VXN: variants seen among roughly 807,000 people sequenced by gnomAD.
VXN encodes uncharacterized protein C8orf46.
A neutral mutation model predicts 23.1 loss-of-function variants in VXN; 7 were observed. The observed-to-expected ratio is 0.30, with a 90% CI of 0.17 to 0.57. The LOEUF (loss-of-function observed/expected upper bound fraction) is 0.57. Ranked by LOEUF, VXN falls within the 20% of genes least tolerant of loss-of-function variation. The probability of loss-of-function intolerance (pLI) is 0.91; values close to 1 mark genes in which losing one functional copy is unlikely to be tolerated. For synonymous variants in VXN, 120 were observed against 105.8 expected, an observed-to-expected ratio of 1.13 and a Z score of -0.83; for missense variants, 238 against 272.6, an observed-to-expected ratio of 0.87 and a Z score of 0.89.
rs1250548569 is a variant in VXN at position 66,493,772 on chromosome 8, G to A, written c.70+54G>A. 8 of 1,440,650 alleles carry A rather than the reference G, an allele frequency of 5.6e-6. No homozygotes were observed. The African/African-American group carries it at 9.8e-5, about 18-fold the overall frequency. 89.2% of individuals were successfully genotyped at this position (1,440,650 alleles called of 1,614,324 possible). ...TTAACGTGGCATCTTAGGCAGGAGG[G>A]GAAGGACAGTCACGTGCTGCCTTAC... On this transcript the variant is annotated intron_variant, in intron 1 of 5. Coordinates refer to ENST00000305454, the MANE Select transcript of VXN (RefSeq NM_152765.4).
At chr8:66,506,183 A>C (rs576541655) in intron 3 of VXN, among the ~76,000 whole-genome samples, 120 of 151,660 alleles carry the variant, frequency 7.9e-4, no homozygotes, top group African/African-American at 2.8e-3. Context: ...CATGAAGCAA[A>C]GGAGGATCAC....
intron 2 of VXN, among the ~76,000 whole-genome samples, chr8:66,502,083 C>T (rs1807698215): frequency 6.6e-6 from 1 of 152,190 alleles, no homozygotes; most frequent in South Asian, 2.1e-4. Flanking sequence ...TCCTTAATAT[C>T]AGCTTTCCTT....
In VXN at chr8:66,496,360, T is replaced by G. The variant is rs1398115684; in HGVS notation, c.71-77T>G. The G allele has an allele frequency of 9.4e-6, 13 of 1,380,260 alleles. No homozygotes were observed. The East Asian group carries it at 1.8e-4, about 19-fold the overall frequency. 85.5% of individuals were successfully genotyped at this position (1,380,260 alleles called of 1,614,324 possible). A position where few individuals can be genotyped will look rare whatever the true frequency, so the allele number is the denominator to read the frequency against. Reference sequence around the variant, plus strand: ...CCCTGCCTCGCCACAGATTCAAACCTTCTCAGTGTTGTTACTGTAGCTATG... The same window carrying G: ...CCCTGCCTCGCCACAGATTCAAACCGTCTCAGTGTTGTTACTGTAGCTATG... On this transcript the variant is annotated intron_variant, in intron 1 of 5. Transcript: ENST00000305454.
At chr8:66,507,715 A>AAGAG (rs140791519) in intron 3 of VXN, among the ~76,000 whole-genome samples, 6 of 151,126 alleles carry the variant, frequency 4.0e-5, no homozygotes, top group East Asian at 1.9e-4. Flanking sequence ...GTTTCAAAAA[A>AAGAG]AGAGAGAGAG....
intron 2 of VXN, among the ~76,000 whole-genome samples, chr8:66,498,454 T>G (rs2130542481): frequency 6.6e-6 from 1 of 152,362 alleles, no homozygotes; most frequent in South Asian, 2.1e-4. Flanking sequence ...TGTATTACCT[T>G]TTTATTTCCA....
intron 3 of VXN, among the ~76,000 whole-genome samples, chr8:66,508,556 C>G (rs1486802884): frequency 6.6e-6 from 1 of 152,172 alleles, no homozygotes; most frequent in Non-Finnish European, 1.5e-5. Context: ...TCCATGATAT[C>G]CTGCTTCCCA....
chr8:66,505,541 C>A lies in VXN; in HGVS notation c.280+13C>A. ...TCTGCCAGACCCGGTACGTGAGTCCCGGCCCCAGCTCCCCGCACCTCCCTG... is the reference window on the plus strand; with the variant it reads ...TCTGCCAGACCCGGTACGTGAGTCCAGGCCCCAGCTCCCCGCACCTCCCTG... On this transcript the variant is annotated intron_variant, in intron 3 of 5. Coordinates refer to ENST00000305454, the MANE Select transcript of VXN (RefSeq NM_152765.4). 2 of 1,476,718 alleles carry A rather than the reference C, an allele frequency of 1.4e-6. No homozygotes were observed. The highest frequency in any genetic ancestry group is 4.8e-5 in the East Asian group (2 of 41,896). 91.5% of individuals were successfully genotyped at this position (1,476,718 alleles called of 1,614,324 possible). A position where few individuals can be genotyped will look rare whatever the true frequency, so the allele number is the denominator to read the frequency against.
rs1807658898 is a variant in VXN, at chr8:66,499,073, G to C, written c.126+2581G>C. ...AGAGAACATTTCTCAAGAACCATGG[G>C]AAGGAGCAATGATTTTTTTTCTTCT... On this transcript the variant is annotated intron_variant, in intron 2 of 5. Transcript: ENST00000305454. Among the ~76,000 whole-genome samples, 3 of 151,794 alleles carry C rather than the reference G, an allele frequency of 2.0e-5. No homozygotes were observed. In the South Asian group the frequency reaches 6.2e-4, roughly 31 times the overall value.
intron 3 of VXN, among the ~76,000 whole-genome samples, chr8:66,506,864 G>A (rs1807765344): frequency 3.4e-5 from 4 of 116,926 alleles, no homozygotes; most frequent in African/African-American, 1.3e-4. Context: ...ACCACAATCT[G>A]CCTTGCAAAT....
Position 66,513,550 on chromosome 8 carries a change from T to C in VXN, c.353T>C (p.Val118Ala), listed in dbSNP as rs1469071334. Residue 118 changes from valine to alanine, a missense_variant, in exon 5 of 6, where the codon GTG (valine) becomes GCG (alanine). Val to Ala is a moderately conservative substitution (Grantham distance 64). Transcript: ENST00000305454. ...GCTTCCTCATGACAGATACCGCCAG[T>C]GCCCCGGATCTCAGTGAAAACTTCA... ...RAYGKSLIPP[V>A]PRISVKTSAS... 1.1e-5 allele frequency: 18 copies of C among 1,614,024 alleles called. No homozygotes were observed. The highest frequency in any genetic ancestry group is 1.4e-5 in the Non-Finnish European group (17 of 1,179,994).
At chr8:66,496,640 C>T in intron 2 of VXN, 148 bp downstream of exon 2, 5 of 692,612 alleles carry the variant, frequency 7.2e-6, no homozygotes, top group Non-Finnish European at 9.9e-6. Flanking sequence ...CCGTTCTCCA[C>T]TTAACCAAAA....
chr8:66,514,174 C>T (rs1381614971), intron 5 of VXN: 1 of 156,582 alleles, frequency 6.4e-6, no homozygotes, highest in Non-Finnish European at 1.4e-5. Context: ...GACAGTGAGT[C>T]TTCAACTCGA....
At chr8:66,512,391 G>A (rs1224693579) in intron 4 of VXN, among the ~76,000 whole-genome samples, 1 of 152,198 alleles carries the variant, frequency 6.6e-6, no homozygotes, top group Non-Finnish European at 1.5e-5. Context: ...CCCACAGTCG[G>A]CCAGCTTGGG....
intron 2 of VXN, chr8:66,505,157 C>T: frequency 2.8e-6 from 2 of 710,792 alleles, no homozygotes; most frequent in South Asian, 1.5e-5. Context: ...TTTGCTTGCC[C>T]CATGGCACCA....
chr8:66,510,832 T>C (rs1394539523), intron 4 of VXN, among the ~76,000 whole-genome samples: 1 of 152,180 alleles, frequency 6.6e-6, no homozygotes, highest in Non-Finnish European at 1.5e-5. Context: ...TCATAGAGTC[T>C]CCACCATCAT....
chr8:66,507,278 G>A (rs1807770147), intron 3 of VXN, among the ~76,000 whole-genome samples: 1 of 152,132 alleles, frequency 6.6e-6, no homozygotes, highest in Admixed American at 6.5e-5. Flanking sequence ...CAGGTTTAGG[G>A]AACATTAATC....
In VXN at chr8:66,505,485, G is replaced by T; in HGVS notation, c.237G>T (p.Ala79=). 6.4e-7 allele frequency: 1 copy of T among 1,567,030 alleles called. No individual in the cohort carries two copies. The highest frequency in any genetic ancestry group is 8.6e-7 in the Non-Finnish European group (1 of 1,158,042). ...DRRRFGRLQT[A]RPPTAHPAKA... is the part of the protein sequence containing the mutation. ...GCAGGTTTGGGCGGCTCCAGACCGC[G>T]CGGCCGCCCACAGCCCACCCGGCCA... is the stretch of plus-strand genomic sequence containing the variant. The change falls in exon 3 of 6, where the codon GCG becomes GCT. Residue 79 remains alanine, a synonymous_variant. Coordinates refer to ENST00000305454, the MANE Select transcript of VXN (RefSeq NM_152765.4).
intron 3 of VXN, among the ~76,000 whole-genome samples, chr8:66,505,738 C>T (rs908439274): frequency 6.6e-6 from 1 of 152,254 alleles, no homozygotes; most frequent in Non-Finnish European, 1.5e-5. Flanking sequence ...ACAGCATCTT[C>T]TACCTATAAA....
At chr8:66,507,575 A>G (rs928714168) in intron 3 of VXN, among the ~76,000 whole-genome samples, 28 of 152,140 alleles carry the variant, frequency 1.8e-4, no homozygotes, top group Admixed American at 1.6e-3. Flanking sequence ...ATTCCTTTCT[A>G]AGTAGTTTGT....
Sources: allele counts gnomAD v4.1 joint callset (sites outside exome capture counted in the v4.1 genomes callset), GRCh38; gene constraint gnomAD v4.1.1; transcripts MANE v1.5; gene names NCBI Gene and HGNC (gene_info 2026-07-23, HGNC 2026-07-21).